The following ANKS1B variants were observed in gnomAD, a reference collection of about 807,000 sequenced individuals.
ANKS1B encodes ankyrin repeat and sterile alpha motif domain containing 1B.
In ANKS1B, 36 loss-of-function variants were observed where a neutral mutation model predicts 148.3. The observed-to-expected ratio is 0.24, with a 90% CI of 0.19 to 0.32. The LOEUF (loss-of-function observed/expected upper bound fraction) is 0.32, where lower values mean the gene tolerates loss of function less well. ANKS1B is among the 10% of genes least tolerant of loss of function. The pLI is 1.00. For synonymous variants in ANKS1B, 542 were observed against 560.8 expected (o/e 0.97, Z 0.47); for missense variants, 1,157 against 1,542.6 (o/e 0.75, Z 4.19).
intron 17 of ANKS1B, among the ~76,000 whole-genome samples, chr12:99,032,664 T>C (rs570627200): frequency 6.6e-6 from 1 of 152,354 alleles, no homozygotes; most frequent in South Asian, 2.1e-4. Flanking sequence ...TACGTGGACA[T>C]ATCTTTTGGA....
At chr12:98,734,953 A>T (rs1418734846) in exon 10 of ANKS1B, 10 of 372,240 alleles carry the variant, frequency 2.7e-5, no homozygotes, top group Non-Finnish European at 4.7e-5. Flanking sequence ...CCTTGTCTTA[A>T]AAAGAAATTA....
chr12:99,190,565 C>T (rs1332997912), intron 14 of ANKS1B, among the ~76,000 whole-genome samples: 3 of 152,164 alleles, frequency 2.0e-5, no homozygotes, highest in Non-Finnish European at 1.5e-5. Flanking sequence ...TGATCTCTGA[C>T]AAGCCTGACA....
intron 14 of ANKS1B, among the ~76,000 whole-genome samples, chr12:99,189,674 A>G (rs2153879317): frequency 6.6e-6 from 1 of 152,324 alleles, no homozygotes. Context: ...TAAGCTAGGT[A>G]TTGACGGAAC....
intron 12 of ANKS1B, among the ~76,000 whole-genome samples, chr12:99,357,118 G>A (rs1435833117): frequency 6.6e-6 from 1 of 151,770 alleles, no homozygotes; most frequent in East Asian, 1.9e-4. Context: ...TATAATACAT[G>A]TATCTATTTA....
chr12:99,417,541 C>A (rs148608456), intron 11 of ANKS1B, among the ~76,000 whole-genome samples: 1 of 151,924 alleles, frequency 6.6e-6, no homozygotes, highest in Non-Finnish European at 1.5e-5. Context: ...AGTTACTTTA[C>A]GTATCTATGC....
intron 9 of ANKS1B, among the ~76,000 whole-genome samples, chr12:99,507,514 C>A (rs1013076552): frequency 6.6e-6 from 1 of 151,812 alleles, no homozygotes; most frequent in Non-Finnish European, 1.5e-5. Context: ...ACCATCCTCC[C>A]AGACTGTTTC....
chr12:99,143,109 G>C (rs982299772), intron 15 of ANKS1B, among the ~76,000 whole-genome samples: 1 of 152,042 alleles, frequency 6.6e-6, no homozygotes, highest in Non-Finnish European at 1.5e-5. Context: ...AATTCTCTTT[G>C]CCAGGCATGA....
At chr12:99,611,983 T>C (rs1193084910) in intron 9 of ANKS1B, among the ~76,000 whole-genome samples, 4 of 152,052 alleles carry the variant, frequency 2.6e-5, no homozygotes, top group Non-Finnish European at 4.4e-5. Context: ...TCTAAACCAA[T>C]GTATTCAGTG....
intron 17 of ANKS1B, among the ~76,000 whole-genome samples, chr12:98,960,303 C>T (rs900535437): frequency 1.3e-5 from 2 of 151,766 alleles, no homozygotes; most frequent in African/African-American, 2.4e-5. Flanking sequence ...GAGAGAGATG[C>T]CATTTGTTTG....
At chr12:99,681,289 CA>C (rs1224860555) in intron 8 of ANKS1B, among the ~76,000 whole-genome samples, 1 of 152,190 alleles carries the variant, frequency 6.6e-6, no homozygotes, top group African/African-American at 2.4e-5. Context: ...AAGAAGAAAA[CA>C]ACAGCTAATT....
chr12:98,945,505 C>CAAAA (rs3051086), intron 17 of ANKS1B, among the ~76,000 whole-genome samples: 1,077 of 29,960 alleles, frequency 0.036, 43 homozygotes, highest in South Asian at 0.085. Flanking sequence ...AACAAACAAA[C>CAAAA]AAAAAAAAAA....
chr12:98,847,595 T>TA (rs1465789312), intron 17 of ANKS1B, among the ~76,000 whole-genome samples: 1 of 25,448 alleles, frequency 3.9e-5, no homozygotes, highest in Non-Finnish European at 5.9e-5. Context: ...CTCAAGATCT[T>TA]AATTTTTTTT....
At chr12:99,947,634 T>C (rs1052529027) in intron 1 of ANKS1B, among the ~76,000 whole-genome samples, 13 of 152,314 alleles carry the variant, frequency 8.5e-5, no homozygotes, top group Non-Finnish European at 1.3e-4. Flanking sequence ...TACAAACTTA[T>C]TATCTCACGG....
chr12:99,739,868 T>C (rs1376196208), intron 8 of ANKS1B, among the ~76,000 whole-genome samples: 1 of 152,232 alleles, frequency 6.6e-6, no homozygotes, highest in African/African-American at 2.4e-5. Flanking sequence ...CTTGTTTTAC[T>C]TCTGCCCTTC....
At chr12:99,205,163 A>C (rs1259080296) in intron 14 of ANKS1B, among the ~76,000 whole-genome samples, 1 of 152,216 alleles carries the variant, frequency 6.6e-6, no homozygotes, top group Non-Finnish European at 1.5e-5. Flanking sequence ...AGAAACCAAG[A>C]GAGTGCGAGA....
intron 1 of ANKS1B, among the ~76,000 whole-genome samples, chr12:99,922,627 G>A (rs2094386280): frequency 6.6e-6 from 1 of 152,096 alleles, no homozygotes; most frequent in African/African-American, 2.4e-5. Context: ...GGCTCAGGGT[G>A]AGTATACAGG....
intron 9 of ANKS1B, among the ~76,000 whole-genome samples, chr12:99,584,583 C>A (rs896123040): frequency 6.6e-6 from 1 of 151,968 alleles, no homozygotes; most frequent in Non-Finnish European, 1.5e-5. Flanking sequence ...GGTGACACAG[C>A]AAGATCCTGT....
chr12:98,986,703 C>T (rs972012082), intron 17 of ANKS1B, among the ~76,000 whole-genome samples: 6 of 152,118 alleles, frequency 3.9e-5, no homozygotes, highest in South Asian at 4.2e-4. Context: ...CAGCCTTGAC[C>T]TACCAGGCTC....
At chr12:99,698,610 C>T (rs1283583928) in intron 8 of ANKS1B, among the ~76,000 whole-genome samples, 4 of 152,064 alleles carry the variant, frequency 2.6e-5, no homozygotes, top group East Asian at 1.9e-4. Context: ...AAAAGGTTCC[C>T]GAAGCAATAA....
Sources: allele counts gnomAD v4.1 joint callset (sites outside exome capture counted in the v4.1 genomes callset), GRCh38; gene constraint gnomAD v4.1.1; transcripts MANE v1.5; gene names NCBI Gene and HGNC (gene_info 2026-07-23, HGNC 2026-07-21).